DCAF8: variants seen among roughly 807,000 people sequenced by gnomAD.
DCAF8 encodes DDB1 and CUL4 associated factor 8, also known as DDB1- and CUL4-associated factor 8.
DCAF8 carries 20 observed loss-of-function variants against 68.0 expected under a neutral mutation model. That is an observed-to-expected ratio of 0.29 (90% CI 0.21 to 0.43). DCAF8 has a LOEUF of 0.43. Among genes scored for constraint, DCAF8 ranks in the 20% least tolerant of loss-of-function variants. DCAF8 has a pLI of 1.00. For synonymous variants in DCAF8, 230 were observed against 276.9 expected, an observed-to-expected ratio of 0.83 and a Z score of 1.68; for missense variants, 460 against 771.0, an observed-to-expected ratio of 0.60 and a Z score of 4.78.
At chr1:160,223,129 T>C (rs1362059552) in intron 10 of DCAF8, among the ~76,000 whole-genome samples, 1 of 152,232 alleles carries the variant, frequency 6.6e-6, no homozygotes, top group Non-Finnish European at 1.5e-5. Flanking sequence ...AGGATTATCT[T>C]TGATATGTGG....
chr1:160,255,412 G>A (rs942016413), intron 2 of DCAF8, among the ~76,000 whole-genome samples: 2 of 151,968 alleles, frequency 1.3e-5, no homozygotes, highest in African/African-American at 4.8e-5. Flanking sequence ...GGGATTATAG[G>A]TATGTACCAC....
chr1:160,253,579 C>T (rs188085339), intron 2 of DCAF8, among the ~76,000 whole-genome samples: 152 of 127,004 alleles, frequency 1.2e-3, no homozygotes, highest in African/African-American at 4.2e-3. Context: ...ACCTGGGAGG[C>T]AAAGGTTGCA....
chr1:160,252,312 T>C (rs1384352111), intron 2 of DCAF8, among the ~76,000 whole-genome samples: 1 of 152,228 alleles, frequency 6.6e-6, no homozygotes, highest in Non-Finnish European at 1.5e-5. Context: ...GCTGTTGTGG[T>C]TGAACAGAGG....
intron 2 of DCAF8, among the ~76,000 whole-genome samples, chr1:160,251,750 C>T (rs1012585820): frequency 3.3e-5 from 5 of 152,004 alleles, no homozygotes; most frequent in South Asian, 2.1e-4. Context: ...ATTACAGGCA[C>T]GAGCCACTGC....
chr1:160,250,438 C>G (rs890494472), intron 2 of DCAF8, among the ~76,000 whole-genome samples: 19 of 142,208 alleles, frequency 1.3e-4, no homozygotes, highest in Non-Finnish European at 2.7e-4. Flanking sequence ...TGCACTCCAG[C>G]CTGGGCAACA....
chr1:160,248,434 A>G (rs979840849), intron 2 of DCAF8, among the ~76,000 whole-genome samples: 1 of 152,114 alleles, frequency 6.6e-6, no homozygotes, highest in Non-Finnish European at 1.5e-5. Context: ...ATATCCTTTA[A>G]AACTGTCGCA....
At chr1:160,241,996 G>A (rs962007677) in intron 3 of DCAF8, among the ~76,000 whole-genome samples, 12 of 152,176 alleles carry the variant, frequency 7.9e-5, no homozygotes, top group East Asian at 3.9e-4. Context: ...TAATCCCAGC[G>A]CTTTGGGAGG....
intron 4 of DCAF8, chr1:160,239,142 C>A (rs1655998819): frequency 9.5e-7 from 1 of 1,050,408 alleles, no homozygotes; most frequent in Non-Finnish European, 1.1e-6. Context: ...AAAGAGAACA[C>A]CCTTAGGATA....
intron 6 of DCAF8, among the ~76,000 whole-genome samples, chr1:160,232,036 C>A (rs1054748665): frequency 4.0e-5 from 6 of 151,744 alleles, no homozygotes; most frequent in Admixed American, 6.6e-5. Flanking sequence ...ACTGAAAATA[C>A]AAAAATTAGC....
At chr1:160,246,555 A>T (rs1656346675) in intron 2 of DCAF8, among the ~76,000 whole-genome samples, 1 of 152,158 alleles carries the variant, frequency 6.6e-6, no homozygotes, top group Non-Finnish European at 1.5e-5. Context: ...AGCTACTCAG[A>T]AGGCTGAGAA....
intron 2 of DCAF8, among the ~76,000 whole-genome samples, chr1:160,250,927 C>T (rs531899527): frequency 6.6e-6 from 1 of 152,194 alleles, no homozygotes; most frequent in East Asian, 1.9e-4. Flanking sequence ...TGACAACTAC[C>T]TTACCTTGAG....
chr1:160,239,338 G>T, intron 4 of DCAF8: 1 of 1,259,990 alleles, frequency 7.9e-7, no homozygotes, highest in Non-Finnish European at 1.0e-6. Context: ...ATAAACTGAA[G>T]ACAAAGGTAA....
In DCAF8 at chr1:160,243,466, G is replaced by A. The variant is rs1656202243; in HGVS notation, c.49+494C>T. Among the ~76,000 whole-genome samples the A allele has an allele frequency of 5.4e-5, 8 of 147,766 alleles. No homozygotes were observed. The South Asian group carries it at 1.5e-3, about 28-fold the overall frequency. ...GCTATGTTGCCCAGGCTGGTCTCAA[G>A]CTCCTGGGCTCAAGCGATCTGCCTG... On this transcript the variant is annotated intron_variant, in intron 3 of 13. Coordinates refer to ENST00000368074, the MANE Select transcript of DCAF8 (RefSeq NM_015726.4).
At chr1:160,260,546 A>G (rs1300284800) in intron 2 of DCAF8, among the ~76,000 whole-genome samples, 1 of 152,126 alleles carries the variant, frequency 6.6e-6, no homozygotes. Context: ...GTCACATGCC[A>G]TGAGCCTCTA....
At chr1:160,259,068 A>C (rs1184827649) in intron 2 of DCAF8, among the ~76,000 whole-genome samples, 1 of 152,214 alleles carries the variant, frequency 6.6e-6, no homozygotes, top group Admixed American at 6.5e-5. Flanking sequence ...AAAGTTCATC[A>C]AACCTAAAAT....
rs564894850 is a variant in DCAF8 at position 160,224,325 on chromosome 1, C to A, written c.1309+117G>T. ...AACTCCAGCCCAATTCAGGATAATC[C>A]CTCAGTGCCCATGGCAACACAGGCA... On this transcript the variant is annotated intron_variant, in intron 10 of 13. Transcript: ENST00000368074. The A allele has an allele frequency of 1.3e-5, 9 of 714,808 alleles. No individual in the cohort carries two copies. The South Asian group carries it at 1.6e-4, about 13-fold the overall frequency. The allele number at this position is 714,808 out of a possible 1,614,324, so 44.3% of individuals were successfully genotyped here.
intron 8 of DCAF8, 31 bp downstream of exon 8, chr1:160,225,560 C>A: frequency 6.4e-7 from 1 of 1,572,674 alleles, no homozygotes; most frequent in Non-Finnish European, 8.7e-7. Flanking sequence ...GTCAGGGAAG[C>A]CTGCAGCAAC....
chr1:160,250,858 T>A (rs750259973), intron 2 of DCAF8, among the ~76,000 whole-genome samples: 9 of 152,228 alleles, frequency 5.9e-5, no homozygotes, highest in Non-Finnish European at 1.0e-4. Context: ...TTATTTTTTT[T>A]AAATTTCTCT....
intron 10 of DCAF8, 150 bp from the exon 11 acceptor site, chr1:160,222,931 A>G: frequency 5.0e-6 from 6 of 1,200,000 alleles, no homozygotes; most frequent in Non-Finnish European, 6.9e-6. Context: ...ACCAGTCCCA[A>G]GAGATGATTT....
Sources: allele counts gnomAD v4.1 joint callset (sites outside exome capture counted in the v4.1 genomes callset), GRCh38; gene constraint gnomAD v4.1.1; transcripts MANE v1.5; gene names NCBI Gene and HGNC (gene_info 2026-07-23, HGNC 2026-07-21).